The following SLC9C1 variants were observed in gnomAD, a reference collection of about 807,000 sequenced individuals.
The protein encoded by SLC9C1 is solute carrier family 9 member C1.
SLC9C1 carries 97 observed loss-of-function variants against 140.9 expected under a neutral mutation model. That is an observed-to-expected ratio of 0.69 (90% confidence interval 0.58 to 0.82). The LOEUF is 0.82. SLC9C1 is among the 40% of genes least tolerant of loss of function. SLC9C1 has a pLI of 0.00. For synonymous variants in SLC9C1, 440 were observed against 442.6 expected (o/e 0.99, Z 0.07); for missense variants, 1,340 against 1,389.3 (o/e 0.96, Z 0.56).
chr3:112,144,558 ATTG>A (rs1559997291), intron 28 of SLC9C1, among the ~76,000 whole-genome samples: 1 of 152,160 alleles, frequency 6.6e-6, no homozygotes, highest in Non-Finnish European at 1.5e-5. Context: ...TTTTAACAAT[ATTG>A]ATTCTTCTAA....
chr3:112,273,232 G>A (rs1272211361), intron 6 of SLC9C1, among the ~76,000 whole-genome samples: 2 of 151,978 alleles, frequency 1.3e-5, no homozygotes, highest in Non-Finnish European at 2.9e-5. Context: ...CATAGCTATA[G>A]GAGGTTTTAT....
At chr3:112,165,071 T>C (rs569027522) in intron 26 of SLC9C1, among the ~76,000 whole-genome samples, 2 of 152,378 alleles carry the variant, frequency 1.3e-5, no homozygotes, top group East Asian at 3.9e-4. Context: ...AATCGGCTAC[T>C]GAGGCTTGTG....
intron 1 of SLC9C1, among the ~76,000 whole-genome samples, chr3:112,290,094 G>T (rs1363122977): frequency 6.6e-6 from 1 of 152,132 alleles, no homozygotes; most frequent in Non-Finnish European, 1.5e-5. Context: ...AGTAATATTT[G>T]CTCTTAACAT....
rs1385328999 is a variant in SLC9C1, at chr3:112,288,843, G to A, written c.-87-1965C>T. ...CTGCTTGTAGGTTGAAAGACTCAGGGTAGCTTACTTTAACACCACTGGCCT... is the reference window on the plus strand; with the variant it reads ...CTGCTTGTAGGTTGAAAGACTCAGGATAGCTTACTTTAACACCACTGGCCT... On this transcript the variant is annotated intron_variant, in intron 1 of 28. Coordinates refer to ENST00000305815, the MANE Select transcript of SLC9C1 (RefSeq NM_183061.3). Among the ~76,000 whole-genome samples the A allele has an allele frequency of 7.9e-5, 12 of 152,016 alleles. 1 individual carries two copies. The South Asian group carries it at 1.0e-3, about 13-fold the overall frequency.
At chr3:112,266,112 T>A in intron 8 of SLC9C1, 126 bp downstream of exon 8, 1 of 703,320 alleles carries the variant, frequency 1.4e-6, no homozygotes, top group South Asian at 2.1e-5. Flanking sequence ...TAGGAAAGGT[T>A]TTTAGTTGGG....
intron 23 of SLC9C1, among the ~76,000 whole-genome samples, chr3:112,176,832 C>T (rs952016117): frequency 6.6e-6 from 1 of 152,048 alleles, no homozygotes; most frequent in Non-Finnish European, 1.5e-5. Flanking sequence ...AGGGCTTGCT[C>T]CAAGGCTTTG....
At chr3:112,167,960 T>C (rs1289762290) in intron 25 of SLC9C1, among the ~76,000 whole-genome samples, 2 of 152,156 alleles carry the variant, frequency 1.3e-5, no homozygotes, top group African/African-American at 4.8e-5. Flanking sequence ...TTAAGCATTA[T>C]GTCAGTGCTG....
chr3:112,166,258 G>T (rs970627454), intron 26 of SLC9C1, among the ~76,000 whole-genome samples: 5 of 152,202 alleles, frequency 3.3e-5, no homozygotes, highest in African/African-American at 1.2e-4. Flanking sequence ...CTCACACTTG[G>T]TGCGCTGCAC....
chr3:112,232,563 AT>A (rs1184527143), intron 12 of SLC9C1, among the ~76,000 whole-genome samples: 1 of 152,064 alleles, frequency 6.6e-6, no homozygotes, highest in East Asian at 1.9e-4. Context: ...TATGAAATGG[AT>A]TTTTTCAGAA....
At chr3:112,240,167 G>C (rs1378622755) in intron 11 of SLC9C1, among the ~76,000 whole-genome samples, 161 bp from the exon 12 acceptor site, 2 of 152,168 alleles carry the variant, frequency 1.3e-5, no homozygotes, top group African/African-American at 2.4e-5. Context: ...AACATTTTCT[G>C]CTTTCATATT....
chr3:112,273,392 T>C (rs1036581410), intron 6 of SLC9C1, among the ~76,000 whole-genome samples: 1 of 152,140 alleles, frequency 6.6e-6, no homozygotes, highest in Non-Finnish European at 1.5e-5. Flanking sequence ...TGTGCTAAAC[T>C]GAGATTCCAG....
intron 12 of SLC9C1, among the ~76,000 whole-genome samples, chr3:112,234,704 A>C (rs1319114366): frequency 1.3e-5 from 2 of 152,206 alleles, no homozygotes; most frequent in African/African-American, 4.8e-5. Context: ...ATGGCTAGCC[A>C]GTTTTCCCAG....
At chr3:112,262,839 T>A in intron 10 of SLC9C1, 85 bp downstream of exon 10, 1 of 1,160,594 alleles carries the variant, frequency 8.6e-7, no homozygotes, top group South Asian at 2.9e-5. Context: ...GAAGTTGAGC[T>A]ACCTCACTAC....
chr3:112,245,981 C>A (rs2079272569), intron 10 of SLC9C1, among the ~76,000 whole-genome samples: 1 of 151,802 alleles, frequency 6.6e-6, no homozygotes, highest in African/African-American at 2.4e-5. Flanking sequence ...GTCAGGTGTT[C>A]ATTTATTAAA....
At chr3:112,218,296 T>C (rs1164274301) in intron 14 of SLC9C1, among the ~76,000 whole-genome samples, 1 of 152,122 alleles carries the variant, frequency 6.6e-6, no homozygotes, top group Non-Finnish European at 1.5e-5. Flanking sequence ...TTCATCGTCA[T>C]GATCAGAAGG....
rs182342711 is a variant in SLC9C1 at position 112,283,147 on chromosome 3, G to A, written c.89-2364C>T. On this transcript the variant is annotated intron_variant, in intron 2 of 28. Transcript: ENST00000305815. ...TTTGTCTACAACTTTACTCTTTGCA[G>A]ACCTCAAGACTATTGAAATGAGGGG... Among the ~76,000 whole-genome samples the A allele has an allele frequency of 2.1e-4, 32 of 152,248 alleles. 1 individual carries two copies. The East Asian group carries it at 5.4e-3, about 26-fold the overall frequency.
chr3:112,167,575 G>GA (rs1318812944), intron 25 of SLC9C1, among the ~76,000 whole-genome samples: 2 of 151,758 alleles, frequency 1.3e-5, no homozygotes, highest in East Asian at 1.9e-4. Flanking sequence ...TATTCCATAT[G>GA]AAAAAAATGA....
intron 27 of SLC9C1, among the ~76,000 whole-genome samples, chr3:112,152,626 C>T (rs1045896472): frequency 6.6e-6 from 1 of 152,112 alleles, no homozygotes; most frequent in African/African-American, 2.4e-5. Flanking sequence ...TCCCATGAGG[C>T]CATATCTCAG....
In SLC9C1 at chr3:112,145,546, T is replaced by C. The variant is rs534758683; in HGVS notation, c.3525-4265A>G. Among the ~76,000 whole-genome samples the C allele has an allele frequency of 2.3e-3, 342 of 151,772 alleles. 1 individual carries two copies. The highest frequency in any genetic ancestry group is 3.8e-3 in the Non-Finnish European group (261 of 67,940). ...AGTAGAATTAGTACTAGCTCTTCTT[T>C]GTATATCTGGTAGAATTTGGCTGTG... On this transcript the variant is annotated intron_variant, in intron 28 of 28. Transcript: ENST00000305815.
Sources: allele counts gnomAD v4.1 joint callset (sites outside exome capture counted in the v4.1 genomes callset), GRCh38; gene constraint gnomAD v4.1.1; transcripts MANE v1.5; gene names NCBI Gene and HGNC (gene_info 2026-07-23, HGNC 2026-07-21).